The following ROBO1 variants were observed in gnomAD, a reference collection of about 807,000 sequenced individuals.
The protein encoded by ROBO1 is roundabout guidance receptor 1, also known as roundabout homolog 1.
ROBO1 carries 149 observed loss-of-function variants against 195.9 expected under a neutral mutation model. That is an observed-to-expected ratio of 0.76 (90% CI 0.67 to 0.87). The LOEUF (loss-of-function observed/expected upper bound fraction) is 0.87, where lower values mean the gene tolerates loss of function less well. ROBO1 is among the 40% of genes least tolerant of loss of function. ROBO1 has a pLI of 0.00. For synonymous variants in ROBO1, 816 were observed against 733.2 expected (o/e 1.11, Z -1.82); for missense variants, 1,933 against 2,068.3 (o/e 0.93, Z 1.27).
At chr3:79,106,770 T>C (rs1054776104) in intron 3 of ROBO1, among the ~76,000 whole-genome samples, 18 of 151,516 alleles carry the variant, frequency 1.2e-4, no homozygotes, top group African/African-American at 4.4e-4. Context: ...TAATGATAAA[T>C]GGCAAGTAAT....
At chr3:79,170,627 A>T (rs2108692134) in intron 2 of ROBO1, among the ~76,000 whole-genome samples, 1 of 152,194 alleles carries the variant, frequency 6.6e-6, no homozygotes, top group Non-Finnish European at 1.5e-5. Flanking sequence ...ATTTGCTGTA[A>T]ATCTATTTTA....
At position 78,971,090 on chromosome 3, in the gene ROBO1, C is replaced by T. The variant is rs574811984; in HGVS notation, c.173-32163G>A. 2.1e-3 allele frequency among the ~76,000 whole-genome samples: 314 copies of T among 152,160 alleles called. 2 individuals are homozygous for T. The highest frequency in any genetic ancestry group is 6.6e-3 in the South Asian group (32 of 4,830). Reference sequence around the variant, plus strand: ...TCAGAGTAGAATCACTGGGGAAATTCCTATTAAAAATGTCCAGGGGCCAGC... The same window carrying T: ...TCAGAGTAGAATCACTGGGGAAATTTCTATTAAAAATGTCCAGGGGCCAGC... On this transcript the variant is annotated intron_variant, in intron 3 of 30. Transcript: ENST00000464233.
intron 3 of ROBO1, among the ~76,000 whole-genome samples, chr3:79,000,597 T>TGGC (rs1469221890): frequency 6.6e-6 from 1 of 152,166 alleles, no homozygotes; most frequent in Non-Finnish European, 1.5e-5. Flanking sequence ...CCAGTTAGAA[T>TGGC]GGCGATCATT....
At chr3:79,296,809 C>T (rs1342627798) in intron 2 of ROBO1, among the ~76,000 whole-genome samples, 1 of 152,058 alleles carries the variant, frequency 6.6e-6, no homozygotes, top group East Asian at 1.9e-4. Context: ...TATTCAGAAA[C>T]AAATGCACCA....
At chr3:79,697,655 T>A (rs2107132698) in intron 1 of ROBO1, among the ~76,000 whole-genome samples, 1 of 151,568 alleles carries the variant, frequency 6.6e-6, no homozygotes, top group Admixed American at 6.6e-5. Context: ...GATGAGGTGA[T>A]ATATTAATAA....
chr3:79,183,250 C>G (rs570622125), intron 2 of ROBO1, among the ~76,000 whole-genome samples: 1 of 152,176 alleles, frequency 6.6e-6, no homozygotes, highest in South Asian at 2.1e-4. Context: ...AACACTGGAT[C>G]CCTCATGCAA....
intron 3 of ROBO1, among the ~76,000 whole-genome samples, chr3:78,960,779 A>AACACACACACACAC (rs751349324): frequency 8.0e-6 from 1 of 124,514 alleles, no homozygotes; most frequent in African/African-American, 3.1e-5. Flanking sequence ...TCCGTATTAA[A>AACACACACACACAC]ACACACACAC....
chr3:78,996,884 A>C lies in ROBO1; in HGVS notation c.173-57957T>G, dbSNP rs182705512. Among the ~76,000 whole-genome samples the C allele has an allele frequency of 3.9e-3, 599 of 152,348 alleles. 5 individuals are homozygous for C. Among genetic ancestry groups the C allele is most frequent in the African/African-American group, 0.014 (571 of 41,588 alleles). On this transcript the variant is annotated intron_variant, in intron 3 of 30. Coordinates refer to ENST00000464233, the MANE Select transcript of ROBO1 (RefSeq NM_002941.4). ...GTATGATTTATGTAGAGGTGGATTA[A>C]TACATAAGTAGATATTAACCTACCT...
intron 1 of ROBO1, among the ~76,000 whole-genome samples, chr3:79,761,493 T>C (rs946707851): frequency 6.6e-6 from 1 of 152,118 alleles, no homozygotes; most frequent in African/African-American, 2.4e-5. Context: ...TTAACCTGGG[T>C]GGTAATTCAA....
chr3:78,947,567 A>C (rs1434002142), intron 3 of ROBO1, among the ~76,000 whole-genome samples: 1 of 152,224 alleles, frequency 6.6e-6, no homozygotes, highest in Non-Finnish European at 1.5e-5. Context: ...CACAAGGAAA[A>C]GTAGGAAAGA....
intron 4 of ROBO1, among the ~76,000 whole-genome samples, chr3:78,923,322 A>C (rs147103151): frequency 6.6e-6 from 1 of 152,138 alleles, no homozygotes; most frequent in Non-Finnish European, 1.5e-5. Context: ...AGGAAACTCA[A>C]TGGTAAGCAA....
At chr3:78,744,536 CT>C (rs999021104) in intron 5 of ROBO1, among the ~76,000 whole-genome samples, 7 of 152,210 alleles carry the variant, frequency 4.6e-5, no homozygotes, top group African/African-American at 1.2e-4. Flanking sequence ...AGGCTACCCC[CT>C]GATTGTATCT....
At chr3:79,720,005 T>C (rs1283030363) in intron 1 of ROBO1, among the ~76,000 whole-genome samples, 3 of 152,196 alleles carry the variant, frequency 2.0e-5, no homozygotes, top group South Asian at 2.1e-4. Context: ...TATAAAAATA[T>C]AACATTGCAA....
At chr3:79,606,124 AT>A (rs1944476205) in intron 1 of ROBO1, among the ~76,000 whole-genome samples, 1 of 150,320 alleles carries the variant, frequency 6.7e-6, no homozygotes, top group Non-Finnish European at 1.5e-5. Context: ...TAATTTACTC[AT>A]TTAAAAAAAT....
rs771332817 is a variant in ROBO1, at chr3:78,627,314, A to G, written c.3875+7T>C. 1 of 1,610,296 alleles carries G rather than the reference A, an allele frequency of 6.2e-7. No homozygotes were observed. The highest frequency in any genetic ancestry group is 1.1e-5 in the South Asian group (1 of 90,462). ...TTTGTTAGCAAAGAAGGCTAGTGAC[A>G]ACATACCTCCTGTCGGGCTGGTGCT... is the stretch of plus-strand genomic sequence containing the variant. On this transcript the variant is annotated splice_region_variant and intron_variant, in intron 26 of 30. Transcript: ENST00000464233.
chr3:79,642,488 G>C (rs1045907435), intron 1 of ROBO1, among the ~76,000 whole-genome samples: 3 of 151,952 alleles, frequency 2.0e-5, no homozygotes, highest in African/African-American at 7.2e-5. Flanking sequence ...AACTCTCAAA[G>C]GTCAAGGACA....
intron 3 of ROBO1, among the ~76,000 whole-genome samples, chr3:79,101,801 T>G (rs2079681107): frequency 6.6e-6 from 1 of 151,960 alleles, no homozygotes; most frequent in South Asian, 2.1e-4. Context: ...CTTTGTAAGA[T>G]TTACTTGTTT....
At position 78,600,287 on chromosome 3, in the gene ROBO1, T is replaced by C; in HGVS notation, c.4767A>G (p.Arg1589=). The C allele has an allele frequency of 6.2e-7, 1 of 1,611,128 alleles. No homozygotes were observed. Among genetic ancestry groups the C allele is most frequent in the South Asian group, 1.1e-5 (1 of 91,010 alleles). The change falls in exon 30 of 31, where the codon AGA becomes AGG. Residue 1589 remains arginine, a synonymous_variant. Transcript: ENST00000464233. ...GATTATTTGATGTTGGAAAAGTAGG[T>C]CTACAATAAGGTAGAATATCCTCTG... ...LIQEDILPYC[R]PTFPTSNNPR...
chr3:79,655,591 T>C (rs1016325697), intron 1 of ROBO1, among the ~76,000 whole-genome samples: 2 of 152,066 alleles, frequency 1.3e-5, no homozygotes, highest in African/African-American at 4.8e-5. Flanking sequence ...GAACAATGAC[T>C]AGCTTCAACA....
Sources: gnomAD v4.1 joint callset for allele counts (sites outside exome capture counted in the v4.1 genomes callset) on GRCh38, gnomAD v4.1.1 for gene constraint, MANE v1.5 for transcripts, NCBI Gene and HGNC (gene_info 2026-07-23, HGNC 2026-07-21) for gene names.